Variants in TOGARAM1 observed in about 807,000 individuals in gnomAD.
TOGARAM1 encodes TOG array regulator of axonemal microtubules 1.
Under a neutral mutation model 166.6 loss-of-function variants are expected in TOGARAM1, and 100 were observed. The ratio of observed to expected loss-of-function variants is 0.60; its 90% CI spans 0.51 to 0.71. The LOEUF is 0.71. TOGARAM1 is among the 30% of genes least tolerant of loss of function. The pLI, the probability that TOGARAM1 is intolerant of heterozygous loss-of-function variation, is 0.00. For synonymous variants in TOGARAM1, 758 were observed against 763.8 expected, an observed-to-expected ratio of 0.99 and a Z score of 0.13; for missense variants, 2,029 against 2,102.7, an observed-to-expected ratio of 0.96 and a Z score of 0.69.
At chr14:45,045,581 ATATGTGTG>A (rs1349937988) in intron 13 of TOGARAM1, among the ~76,000 whole-genome samples, 384 of 33,056 alleles carry the variant, frequency 0.012, 2 homozygotes, top group African/African-American at 0.06. Flanking sequence ...ATATATATAT[ATATGTGTG>A]TGTGTGTGTG....
At chr14:45,025,902 A>T (rs755576717) in intron 8 of TOGARAM1, 30 bp downstream of exon 8, 1 of 1,157,160 alleles carries the variant, frequency 8.6e-7, no homozygotes, top group Non-Finnish European at 1.3e-6. Context: ...CTTCTTAATT[A>T]TATGTATTCA....
At position 45,043,269 on chromosome 14, in the gene TOGARAM1, C is replaced by G. The variant is rs1280409603; in HGVS notation, c.3813-417C>G. On this transcript the variant is annotated intron_variant, in intron 11 of 19. Coordinates refer to ENST00000361462, the MANE Select transcript of TOGARAM1 (RefSeq NM_001308120.2). ...CTTGGCTCACTGCAACCTCCACCTC[C>G]CAGGTTTAAGTGATTCTCCTGCCTC... Among the ~76,000 whole-genome samples, 3 of 152,060 alleles carry G rather than the reference C, an allele frequency of 2.0e-5. No homozygotes were observed. The East Asian group carries it at 5.8e-4, about 29-fold the overall frequency.
intron 15 of TOGARAM1, among the ~76,000 whole-genome samples, chr14:45,053,672 A>C (rs970616963): frequency 6.6e-6 from 1 of 152,084 alleles, no homozygotes; most frequent in Non-Finnish European, 1.5e-5. Context: ...ATGCAAAAAA[A>C]AATAATCTGA....
chr14:44,986,581 G>A (rs1886808000), intron 1 of TOGARAM1, among the ~76,000 whole-genome samples: 1 of 152,062 alleles, frequency 6.6e-6, no homozygotes, highest in Non-Finnish European at 1.5e-5. Context: ...ACAGGCATGA[G>A]CCACCACTCC....
intron 18 of TOGARAM1, among the ~76,000 whole-genome samples, chr14:45,070,870 A>G (rs1234986815): frequency 2.0e-5 from 3 of 152,226 alleles, no homozygotes; most frequent in African/African-American, 4.8e-5. Context: ...TTAAAACTTA[A>G]GAAAAAAATT....
At chr14:45,046,740 A>G in intron 14 of TOGARAM1, 37 bp downstream of exon 14, 1 of 1,244,074 alleles carries the variant, frequency 8.0e-7, no homozygotes, top group Non-Finnish European at 1.0e-6. Context: ...TCTATTATTA[A>G]TAAGGGCTTA....
intron 14 of TOGARAM1, among the ~76,000 whole-genome samples, chr14:45,051,348 G>A (rs369305399): frequency 6.6e-6 from 1 of 152,132 alleles, no homozygotes; most frequent in African/African-American, 2.4e-5. Flanking sequence ...AGAACATCTG[G>A]CCCTTAGGTG....
At chr14:45,052,328 T>G (rs549302165) in intron 14 of TOGARAM1, 108 bp from the exon 15 acceptor site, 1 of 820,922 alleles carries the variant, frequency 1.2e-6, no homozygotes, top group South Asian at 2.0e-5. Flanking sequence ...GATGGTAATC[T>G]TGATGTTTGA....
Position 45,069,074 on chromosome 14 carries a change from G to C in TOGARAM1, c.4969+431G>C, listed in dbSNP as rs554968126. ...AGAAAATCTTAGGACTTGGTGAAAA[G>C]TTTTACATATGGCACTAAAAGCATG... On this transcript the variant is annotated intron_variant, in intron 18 of 19. Coordinates refer to ENST00000361462, the MANE Select transcript of TOGARAM1 (RefSeq NM_001308120.2). 1.2e-3 allele frequency among the ~76,000 whole-genome samples: 178 copies of C among 152,222 alleles called. No homozygotes were observed. In the Middle Eastern group the frequency reaches 0.014, roughly 12 times the overall value.
chr14:45,055,617 A>C (rs1225075683), intron 16 of TOGARAM1, among the ~76,000 whole-genome samples: 2 of 151,942 alleles, frequency 1.3e-5, no homozygotes, highest in Admixed American at 1.3e-4. Flanking sequence ...AGCCTGGCCA[A>C]CGTAGTGAAA....
rs181706839 is a variant in TOGARAM1, at chr14:45,030,660, C to T, written c.3659-1563C>T. Among the ~76,000 whole-genome samples the T allele has an allele frequency of 2.0e-3, 311 of 152,268 alleles. 1 individual carries two copies. The highest frequency in any genetic ancestry group is 3.7e-3 in the Non-Finnish European group (251 of 68,008). ...TCTTTAATTGGTATATCATCTTCCT[C>T]ACATAACAAAAACTGGTACTGATTT... On this transcript the variant is annotated intron_variant, in intron 10 of 19. Transcript: ENST00000361462.
intron 7 of TOGARAM1, among the ~76,000 whole-genome samples, chr14:45,020,216 C>T (rs1485052923): frequency 6.6e-6 from 1 of 152,218 alleles, no homozygotes; most frequent in Non-Finnish European, 1.5e-5. Flanking sequence ...CTCCTATGCT[C>T]TGCGTTGTAT....
chr14:45,052,898 T>C (rs1026605451), intron 15 of TOGARAM1, among the ~76,000 whole-genome samples: 3 of 152,204 alleles, frequency 2.0e-5, no homozygotes, highest in African/African-American at 7.2e-5. Flanking sequence ...ACTAGAATTC[T>C]CACTTTATAA....
chr14:45,043,780 G>T lies in TOGARAM1; in HGVS notation c.3907G>T (p.Val1303Phe). The T allele has an allele frequency of 6.3e-7, 1 of 1,599,886 alleles. No homozygotes were observed. Among genetic ancestry groups the T allele is most frequent in the African/African-American group, 1.3e-5 (1 of 74,762 alleles). The change falls in exon 12 of 20, where the codon GTT becomes TTT. Residue 1303 changes from valine to phenylalanine, a missense_variant. Val to Phe is a conservative substitution (Grantham distance 50, BLOSUM62 -1). Coordinates refer to ENST00000361462, the MANE Select transcript of TOGARAM1 (RefSeq NM_001308120.2). ...AAAGTTGCATGAAACAAATTTTGCA[G>T]TTGTTCAAGAGGTAAACTTATTTTT... is the stretch of plus-strand genomic sequence containing the variant. ...NTKLHETNFA[V>F]VQEVKNLRSG...
At chr14:45,033,095 C>T (rs1342630869) in intron 11 of TOGARAM1, among the ~76,000 whole-genome samples, 2 of 151,396 alleles carry the variant, frequency 1.3e-5, no homozygotes, top group Non-Finnish European at 2.9e-5. Flanking sequence ...ACTAAAAATA[C>T]AAAAAAAATT....
intron 11 of TOGARAM1, among the ~76,000 whole-genome samples, chr14:45,037,863 T>TA (rs763216597): frequency 0.069 from 8,949 of 128,856 alleles, 635 homozygotes; most frequent in African/African-American, 0.19. Context: ...CCATCTCTAC[T>TA]AAAAAAAAAA....
At chr14:45,012,254 A>AG in intron 7 of TOGARAM1, among the ~76,000 whole-genome samples, 179 bp downstream of exon 7, 1 of 152,272 alleles carries the variant, frequency 6.6e-6, no homozygotes, top group Admixed American at 6.5e-5. Context: ...GAAGAAAAAA[A>AG]TATTTATTTA....
chr14:45,057,482 A>G (rs895611530), intron 16 of TOGARAM1, among the ~76,000 whole-genome samples: 2 of 152,046 alleles, frequency 1.3e-5, no homozygotes, highest in Non-Finnish European at 2.9e-5. Context: ...GGTGAAGTGT[A>G]GTGGCATCAT....
chr14:45,004,607 C>T (rs1887859896), intron 4 of TOGARAM1, among the ~76,000 whole-genome samples: 1 of 152,040 alleles, frequency 6.6e-6, no homozygotes, highest in East Asian at 1.9e-4. Flanking sequence ...AATAATGATG[C>T]TTTTCTTTGT....
Sources: allele counts gnomAD v4.1 joint callset (sites outside exome capture counted in the v4.1 genomes callset), GRCh38; gene constraint gnomAD v4.1.1; transcripts MANE v1.5; gene names NCBI Gene and HGNC (gene_info 2026-07-23, HGNC 2026-07-21).